RBX1: variants seen among roughly 807,000 people sequenced by gnomAD.
The protein encoded by RBX1 is ring-box 1, also known as E3 ubiquitin-protein ligase RBX1.
For missense variants in RBX1, 46 were observed against 141.4 expected, an observed-to-expected ratio of 0.33 and a Z score of 3.42; for synonymous variants, 48 against 47.9, an observed-to-expected ratio of 1.00 and a Z score of -0.01.
At chr22:40,951,832 T>G (rs2058311691) in intron 1 of RBX1, among the ~76,000 whole-genome samples, 4 of 150,032 alleles carry the variant, frequency 2.7e-5, no homozygotes, top group South Asian at 2.1e-4. Flanking sequence ...GAATGGGGAG[T>G]CGAAGCGAAT....
chr22:40,972,311 G>T (rs2058371293), intron 4 of RBX1, among the ~76,000 whole-genome samples, 165 bp from the exon 5 acceptor site: 1 of 152,184 alleles, frequency 6.6e-6, no homozygotes, highest in Non-Finnish European at 1.5e-5. Context: ...GGGGAAAGGG[G>T]AATCACAGCG....
intron 2 of RBX1, among the ~76,000 whole-genome samples, chr22:40,956,064 A>AG (rs1469602579): frequency 1.3e-5 from 2 of 151,256 alleles, no homozygotes; most frequent in African/African-American, 4.9e-5. Context: ...TATAACCCTG[A>AG]TTTTTTTTTC....
At chr22:40,960,288 G>GA (rs1303118056) in intron 2 of RBX1, among the ~76,000 whole-genome samples, 1 of 152,110 alleles carries the variant, frequency 6.6e-6, no homozygotes, top group Non-Finnish European at 1.5e-5. Flanking sequence ...TATGTAAAGA[G>GA]ATACTCATAA....
chr22:40,956,064 AT>A (rs67333529), intron 2 of RBX1, among the ~76,000 whole-genome samples: 3,696 of 151,358 alleles, frequency 0.024, 186 homozygotes, highest in East Asian at 0.2. Context: ...TATAACCCTG[AT>A]TTTTTTTTCT....
In RBX1 at chr22:40,972,864, G is replaced by A. The variant is rs562377287; in HGVS notation, c.*376G>A. On this transcript the variant is annotated 3_prime_UTR_variant, in exon 5 of 5. Coordinates refer to ENST00000216225, the MANE Select transcript of RBX1 (RefSeq NM_014248.4). ...GGATCACCGGCTCCCGAAAACAGCAGTCAGCCCTTCTTTCTCCTGTGTGAC... is the reference window on the plus strand; with the variant it reads ...GGATCACCGGCTCCCGAAAACAGCAATCAGCCCTTCTTTCTCCTGTGTGAC... The A allele has an allele frequency of 5.9e-6, 1 of 169,752 alleles. No homozygotes were observed. Among genetic ancestry groups the A allele is most frequent in the Admixed American group, 6.1e-5 (1 of 16,322 alleles). 10.5% of individuals were successfully genotyped at this position (169,752 alleles called of 1,614,324 possible).
chr22:40,962,862 TTTTTTTTTTTTTTTTAGTAGAGACGGTG>T, intron 2 of RBX1, among the ~76,000 whole-genome samples: 1 of 146,356 alleles, frequency 6.8e-6, no homozygotes, highest in Non-Finnish European at 1.5e-5. Context: ...CCAGCTAATT[TTTTTTTTTTTTTTTTAGTAGAGACGGTG>T]TTTCACTATG....
In RBX1 at chr22:40,963,946, C is replaced by T. The variant is rs1318725745; in HGVS notation, c.158-101C>T. ...TTCCTTTCCCACATTCATTAAAAAA[C>T]AATTATGGCTAATTAACCACTTGAG... On this transcript the variant is annotated intron_variant, in intron 2 of 4. Transcript: ENST00000216225. The T allele has an allele frequency of 1.1e-5, 9 of 836,344 alleles. No homozygotes were observed. The East Asian group carries it at 2.2e-4, about 21-fold the overall frequency. 51.8% of individuals were successfully genotyped at this position (836,344 alleles called of 1,614,324 possible).
At position 40,963,694 on chromosome 22, in the gene RBX1, C is replaced by G. The variant is rs531097192; in HGVS notation, c.158-353C>G. On this transcript the variant is annotated intron_variant, in intron 2 of 4. Coordinates refer to ENST00000216225, the MANE Select transcript of RBX1 (RefSeq NM_014248.4). ...TGAAACTCCATCTCTACAAAAAATA[C>G]AAACAATTAGCTGGTGTGGTGGCAC... Among the ~76,000 whole-genome samples the G allele has an allele frequency of 3.9e-5, 6 of 152,174 alleles. No homozygotes were observed. The East Asian group carries it at 1.2e-3, about 29-fold the overall frequency.
intron 1 of RBX1, among the ~76,000 whole-genome samples, chr22:40,952,983 C>CTTTTTTTTT (rs34618218): frequency 2.3e-4 from 20 of 86,900 alleles, no homozygotes; most frequent in East Asian, 4.3e-4. Flanking sequence ...AGTTTGTGCC[C>CTTTTTTTTT]TTTTTTTTTT....
intron 2 of RBX1, among the ~76,000 whole-genome samples, chr22:40,957,296 GATCCTGCCATTGCACTCC>G (rs2146298170): frequency 6.6e-6 from 1 of 152,156 alleles, no homozygotes; most frequent in Non-Finnish European, 1.5e-5. Context: ...AGTGAGCCGA[GATCCTGCCATTGCACTCC>G]ATCCTGGACA....
chr22:40,956,768 G>A (rs1382708781), intron 2 of RBX1, among the ~76,000 whole-genome samples: 1 of 151,698 alleles, frequency 6.6e-6, no homozygotes, highest in African/African-American at 2.4e-5. Flanking sequence ...AGGCGTGGTG[G>A]CTTACACCTG....
At chr22:40,968,010 G>T in intron 4 of RBX1, 126 bp downstream of exon 4, 3 of 577,324 alleles carry the variant, frequency 5.2e-6, no homozygotes, top group Non-Finnish European at 9.5e-6. Flanking sequence ...GGTTACTTAA[G>T]CTAGGACTTA....
intron 3 of RBX1, chr22:40,964,357 G>A (rs1225734054): frequency 2.7e-6 from 1 of 374,850 alleles, no homozygotes; most frequent in African/African-American, 2.1e-5. Context: ...AATTTTGTTA[G>A]CAGTATTTTG....
chr22:40,953,289 C>A (rs546383398), intron 1 of RBX1, among the ~76,000 whole-genome samples: 7 of 152,282 alleles, frequency 4.6e-5, no homozygotes, highest in South Asian at 4.1e-4. Context: ...TGCACCCGGC[C>A]AGACTAAATT....
intron 2 of RBX1, among the ~76,000 whole-genome samples, chr22:40,954,977 C>T (rs1396366163): frequency 6.6e-6 from 1 of 152,040 alleles, no homozygotes; most frequent in Non-Finnish European, 1.5e-5. Flanking sequence ...AGTAGAGACA[C>T]AGTTTTACCG....
intron 2 of RBX1, among the ~76,000 whole-genome samples, chr22:40,962,365 T>A (rs369350938): frequency 1.2e-3 from 188 of 152,238 alleles, no homozygotes; most frequent in African/African-American, 4.3e-3. Context: ...ATTACAGGTG[T>A]GAGCCAACAT....
At chr22:40,966,872 C>G (rs2058355718) in intron 3 of RBX1, 1 of 152,172 alleles carries the variant, frequency 6.6e-6, no homozygotes, top group Non-Finnish European at 1.5e-5. Flanking sequence ...CTGCGTCTGT[C>G]CTAATACGCA....
intron 2 of RBX1, among the ~76,000 whole-genome samples, chr22:40,955,054 T>A (rs2058321576): frequency 6.6e-6 from 1 of 152,024 alleles, no homozygotes; most frequent in Non-Finnish European, 1.5e-5. Flanking sequence ...CCCAAAGTGT[T>A]GGGATTACAA....
chr22:40,971,650 G>A (rs991424003), intron 4 of RBX1, among the ~76,000 whole-genome samples: 4 of 152,010 alleles, frequency 2.6e-5, no homozygotes, highest in African/African-American at 7.2e-5. Context: ...TCCAACTCCC[G>A]GGTTGAAGCA....
Sources: gnomAD v4.1 joint callset for allele counts (sites outside exome capture counted in the v4.1 genomes callset) on GRCh38, gnomAD v4.1.1 for gene constraint, MANE v1.5 for transcripts, NCBI Gene and HGNC (gene_info 2026-07-23, HGNC 2026-07-21) for gene names.